The following MAF variants were observed in gnomAD, a reference collection of about 807,000 sequenced individuals.
The protein encoded by MAF is transcription factor Maf.
Under a neutral mutation model 22.0 loss-of-function variants are expected in MAF, and 10 were observed. The ratio of observed to expected loss-of-function variants is 0.45; its 90% CI spans 0.28 to 0.77. MAF has a LOEUF of 0.77. Among genes scored for constraint, MAF ranks in the 30% least tolerant of loss-of-function variants. MAF has a pLI of 0.12. For missense variants in MAF, 544 were observed against 548.4 expected, an observed-to-expected ratio of 0.99 and a Z score of 0.08; for synonymous variants, 337 against 255.8, an observed-to-expected ratio of 1.32 and a Z score of -3.03.
chr16:79,428,723 T>C, the MAF span, among the ~76,000 whole-genome samples: 1 of 151,902 alleles, frequency 6.6e-6, no homozygotes, highest in South Asian at 2.1e-4. Context: ...TTTGTGCCTG[T>C]AGTTCTAGCT....
the MAF span, among the ~76,000 whole-genome samples, chr16:79,477,300 T>C: frequency 6.6e-6 from 1 of 152,090 alleles, no homozygotes; most frequent in African/African-American, 2.4e-5. Context: ...CCCTGGAGCA[T>C]GGGTTTGAGG....
the MAF span, among the ~76,000 whole-genome samples, chr16:79,215,607 C>T: frequency 1.3e-5 from 2 of 152,178 alleles, no homozygotes; most frequent in African/African-American, 4.8e-5. Context: ...GCAGGGTTCA[C>T]ATCTGCAGGC....
the MAF span, among the ~76,000 whole-genome samples, chr16:79,304,258 C>G: frequency 0.17 from 25,417 of 152,102 alleles, 2,262 homozygotes; most frequent in East Asian, 0.36. Context: ...CGGGAAGCAT[C>G]GCTCCCTCCC....
the MAF span, among the ~76,000 whole-genome samples, chr16:79,408,168 G>A: frequency 1.3e-5 from 2 of 148,940 alleles, no homozygotes; most frequent in African/African-American, 2.5e-5. Context: ...GGCTAACATC[G>A]TGGCTTTTCT....
chr16:79,536,579 T>A, the MAF span, among the ~76,000 whole-genome samples: 1 of 152,252 alleles, frequency 6.6e-6, no homozygotes, highest in African/African-American at 2.4e-5. Context: ...GAGGCAGAGG[T>A]TGCAGTGAGC....
chr16:79,310,070 C>A, the MAF span, among the ~76,000 whole-genome samples: 3 of 152,134 alleles, frequency 2.0e-5, no homozygotes, highest in Non-Finnish European at 4.4e-5. Flanking sequence ...AATGAACTCC[C>A]AGCACTGAGA....
At chr16:79,264,105 T>C in the MAF span, among the ~76,000 whole-genome samples, 3 of 152,300 alleles carry the variant, frequency 2.0e-5, no homozygotes, top group South Asian at 6.2e-4. Context: ...TTGAAATCCC[T>C]CCTGTTCATG....
chr16:79,512,605 G>T, the MAF span, among the ~76,000 whole-genome samples: 4 of 152,170 alleles, frequency 2.6e-5, no homozygotes, highest in African/African-American at 9.7e-5. Flanking sequence ...CAGTTGGGGA[G>T]CTCATTATGA....
chr16:79,592,072 A>T (rs1913220641), downstream of MAF, among the ~76,000 whole-genome samples: 2 of 152,182 alleles, frequency 1.3e-5, no homozygotes, highest in Non-Finnish European at 2.9e-5. Flanking sequence ...AACAGGGATT[A>T]TTTCTGGGCC....
At chr16:79,541,221 C>G in the MAF span, among the ~76,000 whole-genome samples, 2 of 152,316 alleles carry the variant, frequency 1.3e-5, no homozygotes, top group East Asian at 1.9e-4. Context: ...CTATCGTACT[C>G]TAAGCCACCT....
chr16:79,569,463 A>G, the MAF span, among the ~76,000 whole-genome samples: 2 of 152,196 alleles, frequency 1.3e-5, no homozygotes, highest in Non-Finnish European at 2.9e-5. Context: ...ATCCTGCTTT[A>G]GTTACTGAAG....
At chr16:79,373,405 C>T in the MAF span, among the ~76,000 whole-genome samples, 1 of 68,238 alleles carries the variant, frequency 1.5e-5, no homozygotes, top group Non-Finnish European at 3.0e-5. Context: ...TTTTTTGAGA[C>T]ACAGTCTCGC....
At chr16:79,360,599 A>T in the MAF span, among the ~76,000 whole-genome samples, 1 of 152,204 alleles carries the variant, frequency 6.6e-6, no homozygotes, top group African/African-American at 2.4e-5. Flanking sequence ...TTCAACAGCA[A>T]TTAACCAATT....
At chr16:79,445,194 C>A in the MAF span, among the ~76,000 whole-genome samples, 2,621 of 134,014 alleles carry the variant, frequency 0.02, 96 homozygotes, top group African/African-American at 0.067. Context: ...CCACCATACC[C>A]GTCTAATTTT....
chr16:79,598,697 G>A, intron 1 of MAF, 88 bp downstream of exon 1: 2 of 1,584,996 alleles, frequency 1.3e-6, no homozygotes, highest in Non-Finnish European at 1.7e-6. Flanking sequence ...TGGCGAGCAT[G>A]GCTCTAGAAC....
the MAF span, among the ~76,000 whole-genome samples, chr16:79,559,098 A>C: frequency 1.3e-5 from 2 of 152,128 alleles, no homozygotes; most frequent in Non-Finnish European, 2.9e-5. Context: ...ACTACAGTAC[A>C]GCTTGTTGTA....
At chr16:79,322,954 T>C in the MAF span, among the ~76,000 whole-genome samples, 58 of 151,376 alleles carry the variant, frequency 3.8e-4, no homozygotes, top group Admixed American at 3.3e-3. Context: ...ATCAAGACCA[T>C]CCTGGTTAAC....
the MAF span, chr16:79,515,877 A>G: frequency 6.6e-6 from 1 of 151,098 alleles, no homozygotes; most frequent in Non-Finnish European, 1.5e-5. Context: ...CATCATATGG[A>G]GTCTGAGTGA....
At chr16:79,277,061 C>G in the MAF span, among the ~76,000 whole-genome samples, 1 of 151,940 alleles carries the variant, frequency 6.6e-6, no homozygotes, top group East Asian at 1.9e-4. Flanking sequence ...TTTTTTGAGT[C>G]CGGTCTCACT....
Sources: gnomAD v4.1 joint callset for allele counts (sites outside exome capture counted in the v4.1 genomes callset) on GRCh38, gnomAD v4.1.1 for gene constraint, MANE v1.5 for transcripts, NCBI Gene and HGNC (gene_info 2026-07-23, HGNC 2026-07-21) for gene names.